The following C5orf52 variants were observed in gnomAD, a reference collection of about 807,000 sequenced individuals.
C5orf52 encodes chromosome 5 open reading frame 52, also known as uncharacterized protein C5orf52.
A neutral mutation model predicts 16.8 loss-of-function variants in C5orf52; 15 were observed. That is an observed-to-expected ratio of 0.89 (90% CI 0.60 to 1.38). The LOEUF (loss-of-function observed/expected upper bound fraction) is 1.38. C5orf52 is among the 40% of genes most tolerant of loss of function. C5orf52 has a pLI of 0.00. For missense variants in C5orf52, 206 were observed against 213.1 expected (o/e 0.97, Z 0.21); for synonymous variants, 83 against 87.2 (o/e 0.95, Z 0.27).
chr5:157,675,355 C>T (rs773007365), intron 2 of C5orf52, among the ~76,000 whole-genome samples, 155 bp downstream of exon 2: 7 of 152,088 alleles, frequency 4.6e-5, no homozygotes, highest in Non-Finnish European at 8.8e-5. Flanking sequence ...AATTGATACT[C>T]GGGGTTACTG....
At chr5:157,673,120 C>T (rs933774743) in intron 1 of C5orf52, among the ~76,000 whole-genome samples, 24 of 151,846 alleles carry the variant, frequency 1.6e-4, no homozygotes, top group Admixed American at 3.3e-4. Flanking sequence ...GGTGGATCGC[C>T]TGAGCTCAGG....
intron 2 of C5orf52, among the ~76,000 whole-genome samples, chr5:157,675,986 G>T (rs537402905): frequency 5.5e-4 from 84 of 152,214 alleles, no homozygotes; most frequent in African/African-American, 1.9e-3. Flanking sequence ...TGTGTTGGGC[G>T]CTAGGAAGAG....
upstream of C5orf52, among the ~76,000 whole-genome samples, chr5:157,671,156 T>C (rs938341006): frequency 2.6e-5 from 4 of 152,286 alleles, no homozygotes; most frequent in African/African-American, 7.2e-5. Context: ...CCCAGCACTT[T>C]GGTTTCCATA....
chr5:157,677,811 C>T (rs1035820858), intron 2 of C5orf52, among the ~76,000 whole-genome samples: 3 of 151,952 alleles, frequency 2.0e-5, no homozygotes, highest in African/African-American at 7.2e-5. Context: ...TGGTGAAACC[C>T]TGTCTCTACT....
chr5:157,676,940 C>T (rs1236025522), intron 2 of C5orf52, among the ~76,000 whole-genome samples: 2 of 149,536 alleles, frequency 1.3e-5, no homozygotes, highest in African/African-American at 5.0e-5. Flanking sequence ...ATGATCACAG[C>T]TTGCTGTAGC....
At chr5:157,676,494 T>C (rs1759896522) in intron 2 of C5orf52, among the ~76,000 whole-genome samples, 1 of 152,188 alleles carries the variant, frequency 6.6e-6, no homozygotes, top group African/African-American at 2.4e-5. Context: ...CCAGATCCTC[T>C]TGAAGGTCAC....
chr5:157,677,654 C>CAA (rs34801673), intron 2 of C5orf52, among the ~76,000 whole-genome samples: 5 of 117,052 alleles, frequency 4.3e-5, no homozygotes, highest in Non-Finnish European at 7.0e-5. Flanking sequence ...AACTCCCTCT[C>CAA]AAAAAAAAAA....
At chr5:157,675,267 C>T in intron 2 of C5orf52, 67 bp downstream of exon 2, 2 of 957,856 alleles carry the variant, frequency 2.1e-6, no homozygotes, top group Admixed American at 2.0e-5. Context: ...TTTCATTCTC[C>T]CTATATGCTG....
chr5:157,673,801 C>T (rs57347188), intron 1 of C5orf52, among the ~76,000 whole-genome samples: 3,457 of 152,092 alleles, frequency 0.023, 119 homozygotes, highest in African/African-American at 0.079. Flanking sequence ...CTCACCACCA[C>T]GCCCAGCTAA....
Position 157,679,810 on chromosome 5 carries a change from T to C in C5orf52, c.322-31T>C, listed in dbSNP as rs183832392. ...TCCTAATCTCACCTCTTTAGGATCTTGATCCTAACCTCACCTCTGTTTTTT... is the reference window on the plus strand; with the variant it reads ...TCCTAATCTCACCTCTTTAGGATCTCGATCCTAACCTCACCTCTGTTTTTT... On this transcript the variant is annotated intron_variant, in intron 2 of 2. Coordinates refer to ENST00000409999, the MANE Select transcript of C5orf52 (RefSeq NM_001145132.2). The C allele has an allele frequency of 3.4e-3, 5,280 of 1,532,452 alleles. 12 individuals are homozygous for C. The highest frequency in any genetic ancestry group is 4.2e-3 in the Admixed American group (200 of 47,092). 94.9% of individuals were successfully genotyped at this position (1,532,452 alleles called of 1,614,324 possible). A position where few individuals can be genotyped will look rare whatever the true frequency, so the allele number is the denominator to read the frequency against.
intron 1 of C5orf52, among the ~76,000 whole-genome samples, chr5:157,673,888 C>T (rs917846941): frequency 2.6e-5 from 4 of 152,234 alleles, no homozygotes; most frequent in Admixed American, 6.6e-5. Flanking sequence ...CCAAGTGATT[C>T]GCCTGCTTCA....
At chr5:157,675,010 C>A in intron 1 of C5orf52, 82 bp from the exon 2 acceptor site, 1 of 825,964 alleles carries the variant, frequency 1.2e-6, no homozygotes, top group South Asian at 1.6e-5. Context: ...GCCTCAGCCA[C>A]TCCCTCAGGA....
chr5:157,675,419 C>T (rs557483618), intron 2 of C5orf52, among the ~76,000 whole-genome samples: 7 of 152,286 alleles, frequency 4.6e-5, no homozygotes, highest in South Asian at 2.1e-4. Flanking sequence ...GAGAGAAAGA[C>T]TCCATGTCTC....
chr5:157,673,730 C>T (rs544294367), intron 1 of C5orf52, among the ~76,000 whole-genome samples: 1 of 152,052 alleles, frequency 6.6e-6, no homozygotes, highest in Non-Finnish European at 1.5e-5. Flanking sequence ...CTGCAACCTC[C>T]GCCTCCTGGG....
At chr5:157,671,372 C>A (rs1759783296), upstream of C5orf52, 4 of 536,724 alleles carry the variant, frequency 7.5e-6, no homozygotes, top group Non-Finnish European at 1.3e-5. Context: ...CACAGCAACG[C>A]GCCGGGTCTC....
At chr5:157,671,027 G>A (rs1314623655), upstream of C5orf52, among the ~76,000 whole-genome samples, 1 of 152,188 alleles carries the variant, frequency 6.6e-6, no homozygotes, top group Non-Finnish European at 1.5e-5. Context: ...CGCCTGCTCG[G>A]TGTCAAGACC....
At chr5:157,673,671 G>A (rs189066094) in intron 1 of C5orf52, among the ~76,000 whole-genome samples, 26 of 149,978 alleles carry the variant, frequency 1.7e-4, no homozygotes, top group African/African-American at 4.2e-4. Context: ...TTTTTGAGAC[G>A]GAGTCTCACT....
chr5:157,671,873 AG>A, intron 1 of C5orf52, 47 bp downstream of exon 1: 2 of 1,298,390 alleles, frequency 1.5e-6, no homozygotes, highest in Non-Finnish European at 1.0e-6. Flanking sequence ...CGGACCCGCG[AG>A]GGAACCCTAA....
chr5:157,678,634 T>C (rs1246869992), intron 2 of C5orf52, among the ~76,000 whole-genome samples: 1 of 152,104 alleles, frequency 6.6e-6, no homozygotes, highest in African/African-American at 2.4e-5. Context: ...GTTTTTTTTG[T>C]ATTTTGAGTA....
Sources: gnomAD v4.1 joint callset for allele counts (sites outside exome capture counted in the v4.1 genomes callset) on GRCh38, gnomAD v4.1.1 for gene constraint, MANE v1.5 for transcripts, NCBI Gene and HGNC (gene_info 2026-07-23, HGNC 2026-07-21) for gene names.